PHF20L1: variants seen among roughly 807,000 people sequenced by gnomAD.
PHF20L1 encodes the protein PHD finger protein 20-like protein 1.
In PHF20L1, 44 loss-of-function variants were observed where a neutral mutation model predicts 125.5. The ratio of observed to expected loss-of-function variants is 0.35; its 90% CI spans 0.28 to 0.45. PHF20L1 has a LOEUF of 0.45. Among genes scored for constraint, PHF20L1 ranks in the 20% least tolerant of loss-of-function variants. The probability of loss-of-function intolerance (pLI) is 1.00; values close to 1 mark genes in which losing one functional copy is unlikely to be tolerated. For synonymous variants in PHF20L1, 380 were observed against 403.1 expected, an observed-to-expected ratio of 0.94 and a Z score of 0.69; for missense variants, 1,012 against 1,217.2, an observed-to-expected ratio of 0.83 and a Z score of 2.51.
At chr8:132,810,441 C>T (rs1233838446) in intron 8 of PHF20L1, 1 of 151,698 alleles carries the variant, frequency 6.6e-6, no homozygotes, top group Non-Finnish European at 1.5e-5. Flanking sequence ...ACAAAATGAA[C>T]TATAATATTA....
intron 17 of PHF20L1, chr8:132,838,157 TC>T (rs1837572080): frequency 5.1e-6 from 1 of 196,294 alleles, no homozygotes; most frequent in Non-Finnish European, 1.1e-5. Context: ...ATTTTTATTT[TC>T]CACATTGATT....
At chr8:132,781,681 T>C (rs903782128) in intron 2 of PHF20L1, among the ~76,000 whole-genome samples, 21 of 152,184 alleles carry the variant, frequency 1.4e-4, no homozygotes, top group African/African-American at 4.8e-4. Context: ...TGTGCCTGCC[T>C]CAGTCCCCCA....
chr8:132,831,247 C>T (rs1028029421), intron 14 of PHF20L1, among the ~76,000 whole-genome samples: 2 of 152,064 alleles, frequency 1.3e-5, no homozygotes, highest in African/African-American at 4.8e-5. Flanking sequence ...TGGCTCCTGT[C>T]ACTCTAGCTT....
chr8:132,794,898 G>T (rs945075619), intron 4 of PHF20L1, 81 bp downstream of exon 4: 1 of 843,286 alleles, frequency 1.2e-6, no homozygotes, highest in African/African-American at 1.7e-5. Flanking sequence ...ATTAGTGTGT[G>T]TTATGTAATC....
chr8:132,787,059 A>C (rs1831120346), intron 2 of PHF20L1, among the ~76,000 whole-genome samples: 1 of 151,802 alleles, frequency 6.6e-6, no homozygotes, highest in African/African-American at 2.4e-5. Context: ...GCTTGAAAAA[A>C]CTGTATGAAG....
At chr8:132,842,261 T>C (rs1315642907) in intron 18 of PHF20L1, 5 of 318,964 alleles carry the variant, frequency 1.6e-5, no homozygotes, top group Non-Finnish European at 2.3e-5. Flanking sequence ...GAAAAAGAAA[T>C]GCATGTATCA....
At chr8:132,804,080 A>C in intron 7 of PHF20L1, 48 bp downstream of exon 7, 130 of 1,255,542 alleles carry the variant, frequency 1.0e-4, no homozygotes, top group Non-Finnish European at 1.4e-4. Context: ...TGGTAAACTC[A>C]TGTAGTAAAG....
intron 2 of PHF20L1, among the ~76,000 whole-genome samples, chr8:132,790,575 C>T (rs1217686108): frequency 3.3e-5 from 5 of 152,202 alleles, no homozygotes; most frequent in Admixed American, 3.3e-4. Context: ...ACCTGCTTTA[C>T]TACTTACCAT....
intron 8 of PHF20L1, chr8:132,810,365 G>C (rs1483449892): frequency 3.9e-5 from 6 of 151,966 alleles, no homozygotes; most frequent in Non-Finnish European, 7.4e-5. Flanking sequence ...TTAAATTTGA[G>C]AATTAGTGAC....
chr8:132,791,317 G>A (rs1234848907), intron 2 of PHF20L1, among the ~76,000 whole-genome samples: 1 of 141,844 alleles, frequency 7.1e-6, no homozygotes, highest in East Asian at 2.1e-4. Context: ...GCAATGGTGC[G>A]ATCTCGGCTC....
At chr8:132,811,902 T>C in intron 9 of PHF20L1, 19 of 976,854 alleles carry the variant, frequency 1.9e-5, no homozygotes, top group Non-Finnish European at 2.1e-5. Context: ...TTTTCTTTAT[T>C]AGTAGCCTAA....
chr8:132,819,477 G>A (rs1216470374), intron 12 of PHF20L1, among the ~76,000 whole-genome samples: 1 of 151,096 alleles, frequency 6.6e-6, no homozygotes, highest in African/African-American at 2.4e-5. Context: ...TGCAATTTAG[G>A]TCATGTTCTG....
rs1263834723 is a variant in PHF20L1, at chr8:132,848,028, C to A, written c.*2105C>A. ...ATACGGAGCAAATAGCATCCTTAACCTATGAATAATGGTGTTGCCTAGATT... is the reference window on the plus strand; with the variant it reads ...ATACGGAGCAAATAGCATCCTTAACATATGAATAATGGTGTTGCCTAGATT... On this transcript the variant is annotated 3_prime_UTR_variant, in exon 21 of 21. Transcript: ENST00000395386. 2 of 151,968 alleles carry A rather than the reference C, an allele frequency of 1.3e-5. No homozygotes were observed. The highest frequency in any genetic ancestry group is 2.9e-5 in the Non-Finnish European group (2 of 67,934). 9.4% of individuals were successfully genotyped at this position (151,968 alleles called of 1,614,324 possible). A position where few individuals can be genotyped will look rare whatever the true frequency, so the allele number is the denominator to read the frequency against.
rs947012034 is a variant in PHF20L1 at position 132,848,006 on chromosome 8, C to T, written c.*2083C>T. 2.6e-5 allele frequency: 4 copies of T among 151,910 alleles called. No homozygotes were observed. Among genetic ancestry groups the T allele is most frequent in the East Asian group, 1.9e-4 (1 of 5,178 alleles). The allele number at this position is 151,910 out of a possible 1,614,324, so 9.4% of individuals were successfully genotyped here. A position where few individuals can be genotyped will look rare whatever the true frequency, so the allele number is the denominator to read the frequency against. ...ATTTATATCTTCTTTTTTTCAGATA[C>T]GGAGCAAATAGCATCCTTAACCTAT... is the stretch of plus-strand genomic sequence containing the variant. On this transcript the variant is annotated 3_prime_UTR_variant, in exon 21 of 21. Coordinates refer to ENST00000395386, the MANE Select transcript of PHF20L1 (RefSeq NM_016018.5).
At chr8:132,829,423 A>C (rs1836532183) in intron 14 of PHF20L1, among the ~76,000 whole-genome samples, 1 of 152,106 alleles carries the variant, frequency 6.6e-6, no homozygotes, top group Non-Finnish European at 1.5e-5. Flanking sequence ...TATTATTCGA[A>C]TTAAATAAAG....
At chr8:132,823,554 G>A (rs991647407) in intron 12 of PHF20L1, among the ~76,000 whole-genome samples, 8 of 151,872 alleles carry the variant, frequency 5.3e-5, no homozygotes, top group African/African-American at 1.9e-4. Context: ...TGGAAATAGT[G>A]TAGTGTCAAA....
At chr8:132,839,219 G>C (rs999481999) in intron 17 of PHF20L1, 168 bp from the exon 18 acceptor site, 17 of 594,778 alleles carry the variant, frequency 2.9e-5, no homozygotes, top group Non-Finnish European at 4.2e-5. Flanking sequence ...TGAAGGTGTG[G>C]AGGAGCTCTT....
intron 4 of PHF20L1, among the ~76,000 whole-genome samples, chr8:132,796,388 T>A (rs1229149247): frequency 6.6e-6 from 1 of 152,020 alleles, no homozygotes; most frequent in East Asian, 1.9e-4. Flanking sequence ...GTTTTTAGGC[T>A]GAGGATTTAA....
chr8:132,832,612 A>G (rs568222020), intron 15 of PHF20L1, among the ~76,000 whole-genome samples: 49 of 152,162 alleles, frequency 3.2e-4, no homozygotes, highest in Non-Finnish European at 5.4e-4. Context: ...TAAGGAAAAT[A>G]TTACTAGTGT....
Sources: gnomAD v4.1 joint callset for allele counts (sites outside exome capture counted in the v4.1 genomes callset) on GRCh38, gnomAD v4.1.1 for gene constraint, MANE v1.5 for transcripts, NCBI Gene and HGNC (gene_info 2026-07-23, HGNC 2026-07-21) for gene names.